Variants in NT5E observed in about 807,000 individuals in gnomAD.
The protein encoded by NT5E is 5'-nucleotidase ecto.
Under a neutral mutation model 55.1 loss-of-function variants are expected in NT5E, and 53 were observed. The observed-to-expected ratio is 0.96, with a 90% CI of 0.77 to 1.21. The LOEUF is 1.21. Among genes scored for constraint, NT5E ranks in the 50% most tolerant of loss-of-function variants. NT5E has a pLI of 0.00. For missense variants in NT5E, 683 were observed against 724.3 expected (o/e 0.94, Z 0.65); for synonymous variants, 270 against 278.4 (o/e 0.97, Z 0.30).
At chr6:85,466,273 TAAG>T (rs1286524507) in intron 1 of NT5E, among the ~76,000 whole-genome samples, 2 of 151,978 alleles carry the variant, frequency 1.3e-5, no homozygotes, top group African/African-American at 2.4e-5. Flanking sequence ...GGGAGAGAGA[TAAG>T]AAGGTGGGAA....
chr6:85,466,242 A>G (rs1769190667), intron 1 of NT5E, among the ~76,000 whole-genome samples: 1 of 152,058 alleles, frequency 6.6e-6, no homozygotes, highest in South Asian at 2.1e-4. Flanking sequence ...CCCAGCAGCC[A>G]CTCCTCAACC....
chr6:85,457,895 A>G (rs1205806272), intron 1 of NT5E, among the ~76,000 whole-genome samples: 1 of 152,222 alleles, frequency 6.6e-6, no homozygotes, highest in African/African-American at 2.4e-5. Flanking sequence ...GGTAAGATCT[A>G]TAAAGGAGAG....
At chr6:85,491,243 C>G (rs964925460) in intron 7 of NT5E, 5 of 363,644 alleles carry the variant, frequency 1.4e-5, no homozygotes, top group African/African-American at 4.3e-5. Flanking sequence ...CCTAAATTGC[C>G]AAGGGCTTCT....
chr6:85,490,648 C>T lies in NT5E; in HGVS notation c.1351C>T (p.Gln451Ter), dbSNP rs775705440. 1.2e-6 allele frequency: 2 copies of T among 1,614,026 alleles called. No individual in the cohort carries two copies. Among genetic ancestry groups the T allele is most frequent in the Non-Finnish European group, 8.5e-7 (1 of 1,179,990 alleles). The change falls in exon 7 of 9, where the codon CAG becomes TAG. Residue 451 changes from glutamine (Q) to a stop codon, truncating the protein, a stop_gained. Transcript: ENST00000257770. LOFTEE classifies it high-confidence loss of function. ...RYGQSTGEFL[Q>*]VGGIHVVYDL... ...CGGCCAGTCCACTGGAGAGTTCCTG[C>T]AGGTGGGCGGTAAGTCACCCATCCT...
In NT5E at chr6:85,494,301, C is replaced by T; in HGVS notation, c.*297C>T. ...AATTTTAAACCATATTTTTCTTCTT[C>T]ATATCCATTTCTAATCCATCAAACA... On this transcript the variant is annotated 3_prime_UTR_variant, in exon 9 of 9. Coordinates refer to ENST00000257770, the MANE Select transcript of NT5E (RefSeq NM_002526.4). The T allele has an allele frequency of 1.1e-5, 4 of 361,466 alleles. No individual in the cohort carries two copies. Among genetic ancestry groups the T allele is most frequent in the Non-Finnish European group, 2.0e-5 (4 of 198,454 alleles). The allele number at this position is 361,466 out of a possible 1,614,324, so 22.4% of individuals were successfully genotyped here.
intron 3 of NT5E, among the ~76,000 whole-genome samples, chr6:85,475,122 A>G (rs1769401716): frequency 6.6e-6 from 1 of 152,174 alleles, no homozygotes; most frequent in African/African-American, 2.4e-5. Flanking sequence ...ATACAGTTAA[A>G]ATAATACATC....
intron 3 of NT5E, among the ~76,000 whole-genome samples, chr6:85,476,437 C>A (rs1405813060): frequency 6.6e-6 from 1 of 152,184 alleles, no homozygotes; most frequent in South Asian, 2.1e-4. Context: ...TGGGTGCTGG[C>A]AGGAGTAGAA....
chr6:85,466,900 A>C (rs1769206275), intron 1 of NT5E, among the ~76,000 whole-genome samples, 160 bp from the exon 2 acceptor site: 1 of 152,202 alleles, frequency 6.6e-6, no homozygotes, highest in African/African-American at 2.4e-5. Flanking sequence ...AGCAATTCTC[A>C]AGCAATGTGA....
In NT5E at chr6:85,494,589, CATAATTA is replaced by C. The variant is rs1271027017; in HGVS notation, c.*586_*592del. The C allele has an allele frequency of 1.3e-5, 2 of 153,984 alleles. No individual in the cohort carries two copies. The highest frequency in any genetic ancestry group is 2.4e-5 in the African/African-American group (1 of 41,462). The allele number at this position is 153,984 out of a possible 1,614,324, so 9.5% of individuals were successfully genotyped here. On this transcript the variant is annotated 3_prime_UTR_variant, in exon 9 of 9. Transcript: ENST00000257770. ...CAGAATACTTAATATCTCCTCTCTT[CATAATTA>C]TCAATAGCCCCAAGCTCATGGATGA...
chr6:85,483,084 G>T (rs1202908067), intron 3 of NT5E, among the ~76,000 whole-genome samples: 1 of 152,200 alleles, frequency 6.6e-6, no homozygotes, highest in Admixed American at 6.5e-5. Flanking sequence ...GCATACTGAG[G>T]CATCTGACCG....
rs1231921972 is a variant in NT5E, at chr6:85,450,795, C to G, written c.339+317C>G. On this transcript the variant is annotated intron_variant, in intron 1 of 8. Transcript: ENST00000257770. This position sits in a 1 kb window ranked among gnomAD's most constrained non-coding sequence, Gnocchi z 4.0. Reference sequence around the variant, plus strand: ...TCCAGAGCTAGGGACTGAATCGGATCCCTCACGCAGCTCTCATTTACTGCT... The same window carrying G: ...TCCAGAGCTAGGGACTGAATCGGATGCCTCACGCAGCTCTCATTTACTGCT... Among the ~76,000 whole-genome samples, 1 of 152,196 alleles carries G rather than the reference C, an allele frequency of 6.6e-6. No individual in the cohort carries two copies. Among genetic ancestry groups the G allele is most frequent in the Non-Finnish European group, 1.5e-5 (1 of 68,030 alleles).
At position 85,450,214 on chromosome 6, in the gene NT5E, C is replaced by T. The variant is rs1220204092; in HGVS notation, c.75C>T (p.Gly25=). 1.9e-6 allele frequency: 3 copies of T among 1,607,634 alleles called. No individual in the cohort carries two copies. Among genetic ancestry groups the T allele is most frequent in the Admixed American group, 3.4e-5 (2 of 59,482 alleles). ...GCGCGGTGCTGTGGCCTGCGGCTGG[C>T]GCCTGGGAGCTTACGATTTTGCACA... The part of the protein sequence containing the change: ...ALGAVLWPAA[G]AWELTILHTN... The change falls in exon 1 of 9, where the codon GGC becomes GGT. Residue 25 remains glycine (G), a synonymous_variant. Transcript: ENST00000257770. The surrounding 1 kb of genome is among the most constrained non-coding windows in gnomAD (Gnocchi z 4.0).
intron 1 of NT5E, among the ~76,000 whole-genome samples, chr6:85,463,466 C>T (rs183346404): frequency 1.3e-5 from 2 of 152,206 alleles, no homozygotes; most frequent in Admixed American, 6.5e-5. Flanking sequence ...CATACCTAAA[C>T]TGATGGTTAA....
At chr6:85,464,468 G>T (rs1433831524) in intron 1 of NT5E, among the ~76,000 whole-genome samples, 2 of 152,132 alleles carry the variant, frequency 1.3e-5, no homozygotes, top group African/African-American at 4.8e-5. Context: ...GGAGCGGACG[G>T]AGCCTGGGAG....
At chr6:85,490,236 A>G (rs1413000229) in intron 6 of NT5E, among the ~76,000 whole-genome samples, 1 of 152,222 alleles carries the variant, frequency 6.6e-6, no homozygotes, top group East Asian at 1.9e-4. Context: ...TCCAGCCCCA[A>G]GCTAGCAGAT....
intron 4 of NT5E, among the ~76,000 whole-genome samples, chr6:85,486,160 AACATTTGTATGTAGAAGTACAGT>A (rs745869022): frequency 1.8e-4 from 28 of 152,332 alleles, no homozygotes; most frequent in African/African-American, 4.1e-4. Flanking sequence ...TCTTTAACAT[AACATTTGTATGTAGAAGTACAGT>A]ACATTTGTAT....
At chr6:85,482,613 A>C (rs951242489) in intron 3 of NT5E, among the ~76,000 whole-genome samples, 2 of 152,176 alleles carry the variant, frequency 1.3e-5, no homozygotes, top group Non-Finnish European at 2.9e-5. Flanking sequence ...TCCAGATGTC[A>C]GTCCACAACT....
Position 85,493,972 on chromosome 6 carries a change from C to T in NT5E, c.1693C>T (p.Leu565Phe), listed in dbSNP as rs772609090. ...AAGCTTTTCTTTAATATTTCTTTCA[C>T]TTTGGGCAGTGATCTTTGTTTTATA... Reference protein sequence around the residue: ...HGSFSLIFLSLWAVIFVLYQ With the variant: ...HGSFSLIFLSFWAVIFVLYQ Residue 565 changes from leucine (L) to phenylalanine (F), a missense_variant, in exon 9 of 9, where the codon CTT (leucine) becomes TTT (phenylalanine). Coordinates refer to ENST00000257770, the MANE Select transcript of NT5E (RefSeq NM_002526.4). 3 of 1,613,934 alleles carry T rather than the reference C, an allele frequency of 1.9e-6. No individual in the cohort carries two copies. In the African/African-American group the frequency reaches 4.0e-5, roughly 22 times the overall value.
chr6:85,466,936 C>T (rs1769207012), intron 1 of NT5E, 124 bp from the exon 2 acceptor site: 1 of 902,600 alleles, frequency 1.1e-6, no homozygotes, highest in South Asian at 1.5e-5. Context: ...TGGGCCTGAC[C>T]CAGGTGAGGA....
Sources: allele counts gnomAD v4.1 joint callset (sites outside exome capture counted in the v4.1 genomes callset), GRCh38; gene constraint gnomAD v4.1.1; non-coding constraint Gnocchi (gnomAD v3.1); transcripts MANE v1.5; gene names NCBI Gene and HGNC (gene_info 2026-07-23, HGNC 2026-07-21).